The following ZNF592 variants were observed in gnomAD, a reference collection of about 807,000 sequenced individuals.
ZNF592 encodes spinocerebellar ataxia, autosomal recessive 5.
Under a neutral mutation model 80.3 loss-of-function variants are expected in ZNF592, and 11 were observed. The ratio of observed to expected loss-of-function variants is 0.14; its 90% confidence interval spans 0.09 to 0.23. The LOEUF (loss-of-function observed/expected upper bound fraction) is 0.23, where lower values mean the gene tolerates loss of function less well. ZNF592 is among the 10% of genes least tolerant of loss of function. ZNF592 has a pLI of 1.00. For synonymous variants in ZNF592, 646 were observed against 640.3 expected, an observed-to-expected ratio of 1.01 and a Z score of -0.13; for missense variants, 1,420 against 1,633.9, an observed-to-expected ratio of 0.87 and a Z score of 2.26.
chr15:84,776,498 G>T (rs564946093), intron 2 of ZNF592, among the ~76,000 whole-genome samples: 2 of 152,224 alleles, frequency 1.3e-5, no homozygotes, highest in Non-Finnish European at 2.9e-5. Context: ...GCTCATGCCT[G>T]TAACCCCAGC....
chr15:84,781,279 C>T (rs1421546456), intron 3 of ZNF592, among the ~76,000 whole-genome samples: 1 of 152,090 alleles, frequency 6.6e-6, no homozygotes, highest in African/African-American at 2.4e-5. Flanking sequence ...AACTCCTGAC[C>T]TCAAGCTATC....
intron 4 of ZNF592, 79 bp from the exon 5 acceptor site, chr15:84,790,626 A>C (rs1962719436): frequency 6.7e-7 from 1 of 1,482,358 alleles, no homozygotes; most frequent in East Asian, 2.3e-5. Context: ...CCCATGTACT[A>C]GCAAACCAGA....
At chr15:84,785,643 T>C (rs1962568039) in intron 4 of ZNF592, among the ~76,000 whole-genome samples, 1 of 152,234 alleles carries the variant, frequency 6.6e-6, no homozygotes, top group African/African-American at 2.4e-5. Context: ...GTTGTTGTTC[T>C]GCCCTGCAGT....
intron 1 of ZNF592, among the ~76,000 whole-genome samples, chr15:84,762,816 G>A: frequency 6.6e-6 from 1 of 152,110 alleles, no homozygotes. Context: ...ACCTCTCTGG[G>A]CCTCAGTTTC....
intron 5 of ZNF592, among the ~76,000 whole-genome samples, chr15:84,795,093 A>G (rs978380488): frequency 1.3e-5 from 2 of 150,310 alleles, no homozygotes; most frequent in East Asian, 1.9e-4. Context: ...ATAAGTATAT[A>G]AAATTTATAT....
At chr15:84,751,335 CAT>C (rs1480002520) in intron 1 of ZNF592, among the ~76,000 whole-genome samples, 2 of 152,216 alleles carry the variant, frequency 1.3e-5, no homozygotes, top group South Asian at 2.1e-4. Flanking sequence ...ACATTTGTAA[CAT>C]AGCCTGGATT....
At chr15:84,749,536 A>C (rs1361461936) in intron 1 of ZNF592, among the ~76,000 whole-genome samples, 2 of 152,230 alleles carry the variant, frequency 1.3e-5, no homozygotes, top group African/African-American at 4.8e-5. Context: ...AGGCCCACCC[A>C]GGGAAGCATG....
At chr15:84,749,873 T>C (rs980803569) in intron 1 of ZNF592, among the ~76,000 whole-genome samples, 1 of 152,268 alleles carries the variant, frequency 6.6e-6, no homozygotes, top group African/African-American at 2.4e-5. Flanking sequence ...TTTCAACTAG[T>C]TGTGGCTTTG....
chr15:84,798,944 C>T lies in ZNF592; in HGVS notation c.3024+69C>T, dbSNP rs1029509873. On this transcript the variant is annotated intron_variant, in intron 8 of 10. Coordinates refer to ENST00000560079, the MANE Select transcript of ZNF592 (RefSeq NM_014630.3). The surrounding 1 kb of genome is among the most constrained non-coding windows in gnomAD (Gnocchi z 4.5). ...GACTTCCTTCTGTGAAGCCAGAACCCCTAGGGTTCCTGGTGCTTAGGGCAG... is the reference window on the plus strand; with the variant it reads ...GACTTCCTTCTGTGAAGCCAGAACCTCTAGGGTTCCTGGTGCTTAGGGCAG... 1.3e-6 allele frequency: 2 copies of T among 1,599,024 alleles called. No homozygotes were observed. The highest frequency in any genetic ancestry group is 1.7e-6 in the Non-Finnish European group (2 of 1,175,868).
At chr15:84,765,832 A>G (rs1220213295) in intron 2 of ZNF592, among the ~76,000 whole-genome samples, 2 of 151,816 alleles carry the variant, frequency 1.3e-5, no homozygotes, top group African/African-American at 4.8e-5. Flanking sequence ...CACCGCACCC[A>G]GACTTGTTTT....
intron 2 of ZNF592, among the ~76,000 whole-genome samples, chr15:84,777,824 C>T (rs908484094): frequency 6.6e-5 from 10 of 151,358 alleles, no homozygotes; most frequent in Non-Finnish European, 1.3e-4. Flanking sequence ...TTCAGCCTCC[C>T]GAGTAGCTGG....
At position 84,799,922 on chromosome 15, in the gene ZNF592, A is replaced by G; in HGVS notation, c.3218A>G (p.Asn1073Ser). ...SHISLMHGIR[N>S]PDLSQTSKVK... ...ATCAGCCTTATGCATGGCATCAGAA[A>G]CCCTGATTTGAGCCAGACGTCCAAA... is the stretch of plus-strand genomic sequence containing the variant. Residue 1073 changes from asparagine (N) to serine (S), a missense_variant, in exon 10 of 11, where the codon AAC (asparagine) becomes AGC (serine). Transcript: ENST00000560079. This position sits in a 1 kb window ranked among gnomAD's most constrained non-coding sequence, Gnocchi z 4.2. 1 of 1,614,136 alleles carries G rather than the reference A, an allele frequency of 6.2e-7. No homozygotes were observed. Among genetic ancestry groups the G allele is most frequent in the Non-Finnish European group, 8.5e-7 (1 of 1,180,002 alleles).
intron 2 of ZNF592, among the ~76,000 whole-genome samples, chr15:84,766,003 C>CTTT (rs527253414): frequency 1.4e-5 from 2 of 143,924 alleles, no homozygotes; most frequent in Non-Finnish European, 1.5e-5. Flanking sequence ...ATTCATGGTC[C>CTTT]TTTTTTTTTT....
At chr15:84,766,619 G>C (rs1261194722) in intron 2 of ZNF592, among the ~76,000 whole-genome samples, 1 of 151,940 alleles carries the variant, frequency 6.6e-6, no homozygotes, top group Non-Finnish European at 1.5e-5. Flanking sequence ...CGGATAGAGA[G>C]ACAGAGAGAG....
chr15:84,773,371 C>T (rs1202672751), intron 2 of ZNF592, among the ~76,000 whole-genome samples: 3 of 152,074 alleles, frequency 2.0e-5, no homozygotes, highest in Non-Finnish European at 4.4e-5. Flanking sequence ...GCCACCAAGC[C>T]CAGCTAATTT....
chr15:84,799,793 G>T lies in ZNF592; in HGVS notation c.3138-49G>T. 6.2e-7 allele frequency: 1 copy of T among 1,610,882 alleles called. No individual in the cohort carries two copies. On this transcript the variant is annotated intron_variant, in intron 9 of 10. Coordinates refer to ENST00000560079, the MANE Select transcript of ZNF592 (RefSeq NM_014630.3). This position sits in a 1 kb window ranked among gnomAD's most constrained non-coding sequence, Gnocchi z 4.2. ...GGCCTTGGTGTGAATAGCACTGAGG[G>T]AGCCTGCGGCCCGGGCACTTACCTG...
rs1963230190 is a variant in ZNF592, at chr15:84,806,223, G to A, written c.*3830G>A. The A allele has an allele frequency of 1.3e-5, 2 of 152,158 alleles. No individual in the cohort carries two copies. The highest frequency in any genetic ancestry group is 1.3e-4 in the Admixed American group (2 of 15,264). The allele number at this position is 152,158 out of a possible 1,614,324, so 9.4% of individuals were successfully genotyped here. A position where few individuals can be genotyped will look rare whatever the true frequency, so the allele number is the denominator to read the frequency against. On this transcript the variant is annotated 3_prime_UTR_variant, in exon 11 of 11. Coordinates refer to ENST00000560079, the MANE Select transcript of ZNF592 (RefSeq NM_014630.3). ...CTAGAATGTGTCCTCCTGACTAAGGGGTTCAGGATACTGTTCACCTTCTCC... is the reference window on the plus strand; with the variant it reads ...CTAGAATGTGTCCTCCTGACTAAGGAGTTCAGGATACTGTTCACCTTCTCC...
intron 1 of ZNF592, among the ~76,000 whole-genome samples, chr15:84,764,311 T>A (rs944747314): frequency 5.9e-5 from 9 of 152,214 alleles, no homozygotes; most frequent in African/African-American, 2.2e-4. Context: ...CAAACATGTA[T>A]TTGCTATGTG....
rs1201726447 is a variant in ZNF592, at chr15:84,798,287, C to T, written c.2577-28C>T. On this transcript the variant is annotated intron_variant, in intron 6 of 10. Transcript: ENST00000560079. This position sits in a 1 kb window ranked among gnomAD's most constrained non-coding sequence, Gnocchi z 4.5. The stretch of plus-strand genomic sequence containing the variant: ...GAGGGGCTGCATGGTGCCTTGGCCA[C>T]CTCACCCCCTAGGGCTTGTCTCATC... The T allele has an allele frequency of 1.2e-6, 2 of 1,613,936 alleles. No homozygotes were observed. Among genetic ancestry groups the T allele is most frequent in the Non-Finnish European group, 8.5e-7 (1 of 1,179,992 alleles).
Sources: gnomAD v4.1 joint callset for allele counts (sites outside exome capture counted in the v4.1 genomes callset) on GRCh38, gnomAD v4.1.1 for gene constraint, Gnocchi (gnomAD v3.1) non-coding constraint, MANE v1.5 for transcripts, NCBI Gene and HGNC (gene_info 2026-07-23, HGNC 2026-07-21) for gene names.